SYNE1: variants seen among roughly 807,000 people sequenced by gnomAD.
SYNE1 encodes nesprin-1.
A neutral mutation model predicts 1,111.0 loss-of-function variants in SYNE1; 616 were observed. The observed-to-expected ratio is 0.55, with a 90% CI of 0.52 to 0.59. The LOEUF is 0.59. Ranked by LOEUF, SYNE1 falls within the 20% of genes least tolerant of loss-of-function variation. SYNE1 has a pLI of 0.00. For missense variants in SYNE1, 10,006 were observed against 10,417.0 expected (o/e 0.96, Z 1.72); for synonymous variants, 3,855 against 3,825.8 (o/e 1.01, Z -0.28).
At chr6:152,317,525 C>A (rs564647294) in intron 86 of SYNE1, among the ~76,000 whole-genome samples, 2 of 152,122 alleles carry the variant, frequency 1.3e-5, no homozygotes, top group Non-Finnish European at 2.9e-5. Context: ...CTTCCTCTAT[C>A]CCTTCCTTCA....
intron 59 of SYNE1, among the ~76,000 whole-genome samples, chr6:152,371,890 AAGGAAAGGAAAGGAAAGGAAAGGAAAGG>A (rs2097192154): frequency 1.3e-4 from 14 of 105,798 alleles, no homozygotes; most frequent in Non-Finnish European, 2.8e-4. Context: ...AAGGAAAGGA[AAGGAAAGGAAAGGAAAGGAAAGGAAAGG>A]AAAGGACAGG....
At chr6:152,616,596 A>G (rs947172415) in intron 3 of SYNE1, among the ~76,000 whole-genome samples, 4 of 152,136 alleles carry the variant, frequency 2.6e-5, no homozygotes, top group Non-Finnish European at 5.9e-5. Flanking sequence ...AACAACAACA[A>G]CAAAGCTAGT....
intron 100 of SYNE1, among the ~76,000 whole-genome samples, chr6:152,265,600 C>T (rs2092619586): frequency 6.6e-6 from 1 of 152,032 alleles, no homozygotes; most frequent in South Asian, 2.1e-4. Flanking sequence ...TGTAATAAAA[C>T]CAGAGGAATA....
chr6:152,321,789 C>T lies in SYNE1; in HGVS notation c.16015G>A (p.Val5339Ile), dbSNP rs1459705949. The T allele has an allele frequency of 1.2e-6, 2 of 1,613,848 alleles. No individual in the cohort carries two copies. The highest frequency in any genetic ancestry group is 1.7e-5 in the Admixed American group (1 of 59,988). ...ETQINSVKCW[V>I]QETKEYLGNP... ...CCTAAATATTCTTTCGTTTCCTGAA[C>T]CCAACATTTCACAGAATTGATCTGA... is the stretch of plus-strand genomic sequence containing the variant. Residue 5339 changes from valine (V) to isoleucine (I), a missense_variant, in exon 83 of 146, where the codon GTT (valine) becomes ATT (isoleucine). Physicochemically the swap from Val to Ile is conservative, Grantham distance 29. Coordinates refer to ENST00000367255, the MANE Select transcript of SYNE1 (RefSeq NM_182961.4).
At chr6:152,482,157 G>A (rs185083395) in intron 14 of SYNE1, among the ~76,000 whole-genome samples, 8 of 152,264 alleles carry the variant, frequency 5.3e-5, no homozygotes, top group Non-Finnish European at 1.0e-4. Flanking sequence ...AGTCTGTCAA[G>A]TTGAAATGGC....
rs2095117965 is a variant in SYNE1, at chr6:152,300,627, C to T, written c.17682+14G>A. The T allele has an allele frequency of 6.2e-7, 1 of 1,613,978 alleles. No individual in the cohort carries two copies. The highest frequency in any genetic ancestry group is 1.3e-5 in the African/African-American group (1 of 74,912). On this transcript the variant is annotated intron_variant, in intron 93 of 145. Transcript: ENST00000367255. ...CCAGAGATTATTGCTAGAGGAATGCCAACTGGGAGGTACCTGGTTAACAGA... is the reference window on the plus strand; with the variant it reads ...CCAGAGATTATTGCTAGAGGAATGCTAACTGGGAGGTACCTGGTTAACAGA...
Position 152,136,744 on chromosome 6 carries a change from C to A in SYNE1, c.25533G>T (p.Gln8511His), listed in dbSNP as rs1273886333. The change falls in exon 141 of 146, where the codon CAG becomes CAT. Residue 8511 changes from glutamine to histidine, a missense_variant. By Grantham distance (24) the Gln-to-His change is conservative. Around this residue, in one of 7 missense-constraint regions of SYNE1, gnomAD observed 761 missense variants for 795.5 expected, o/e 0.96. Transcript: ENST00000367255. Reference sequence around the variant, plus strand: ...GGTCCCGGCTCTCCTTGCTGTCAGCCTGGGTGAACTCAGGGCTGCAGAGAT... The same window carrying A: ...GGTCCCGGCTCTCCTTGCTGTCAGCATGGGTGAACTCAGGGCTGCAGAGAT... The part of the protein sequence containing the change: ...SINLCSPEFT[Q>H]ADSKESRDLQ... 14 of 1,614,102 alleles carry A rather than the reference C, an allele frequency of 8.7e-6. No homozygotes were observed. The highest frequency in any genetic ancestry group is 1.2e-5 in the Non-Finnish European group (14 of 1,180,056).
At chr6:152,249,691 T>TC (rs949703839) in intron 104 of SYNE1, among the ~76,000 whole-genome samples, 11 of 152,194 alleles carry the variant, frequency 7.2e-5, no homozygotes, top group African/African-American at 2.7e-4. Flanking sequence ...TCTCTCCTCT[T>TC]CTTCCCTCCC....
chr6:152,256,575 A>C, intron 102 of SYNE1, 59 bp downstream of exon 102: 1 of 1,608,584 alleles, frequency 6.2e-7, no homozygotes. Flanking sequence ...AGGCAAATCA[A>C]TACAAGCAAA....
At chr6:152,460,379 A>C (rs2098724251) in intron 21 of SYNE1, among the ~76,000 whole-genome samples, 1 of 152,236 alleles carries the variant, frequency 6.6e-6, no homozygotes, top group Admixed American at 6.5e-5. Context: ...CCATATTGAT[A>C]GATAAAATTT....
At chr6:152,300,411 A>G (rs1199469173) in intron 93 of SYNE1, among the ~76,000 whole-genome samples, 2 of 152,204 alleles carry the variant, frequency 1.3e-5, no homozygotes, top group Non-Finnish European at 2.9e-5. Context: ...CTGGGCTATC[A>G]TTCCCATGAC....
intron 58 of SYNE1, chr6:152,375,948 C>T (rs552162738): frequency 6.1e-4 from 101 of 166,398 alleles, no homozygotes; most frequent in African/African-American, 2.4e-3. Context: ...TTTATATGTT[C>T]TGCCCTTCTG....
chr6:152,302,089 G>A (rs774912673), intron 91 of SYNE1, 26 bp from the exon 92 acceptor site: 219 of 1,613,936 alleles, frequency 1.4e-4, no homozygotes, highest in Admixed American at 3.2e-4. Flanking sequence ...CCCCACCGGG[G>A]TGTCAGAGCA....
chr6:152,535,909 C>T lies in SYNE1; in HGVS notation c.129+4051G>A, dbSNP rs770236363. 4.8e-4 allele frequency among the ~76,000 whole-genome samples: 73 copies of T among 152,010 alleles called. 1 individual carries two copies. Among genetic ancestry groups the T allele is most frequent in the Non-Finnish European group, 5.7e-4 (39 of 67,988 alleles). On this transcript the variant is annotated intron_variant, in intron 4 of 145. Transcript: ENST00000367255. ...ACTGTCAAATTTTAAATATATTCAT[C>T]GTAACATAACTTCTTTGCCTAAAAT...
At chr6:152,205,438 C>A (rs555051970) in intron 126 of SYNE1, among the ~76,000 whole-genome samples, 17 of 152,272 alleles carry the variant, frequency 1.1e-4, no homozygotes, top group Admixed American at 1.1e-3. Context: ...AAATTATATA[C>A]CCACTCTACC....
chr6:152,405,890 T>G (rs1029448858), intron 45 of SYNE1, among the ~76,000 whole-genome samples: 1 of 152,180 alleles, frequency 6.6e-6, no homozygotes, highest in Non-Finnish European at 1.5e-5. Context: ...AATTCATTCA[T>G]GTATATTTTT....
At chr6:152,231,267 G>T in intron 114 of SYNE1, 124 bp downstream of exon 114, 2 of 958,570 alleles carry the variant, frequency 2.1e-6, no homozygotes, top group Admixed American at 1.8e-5. Flanking sequence ...ACCTTCAGCG[G>T]TATTATTGGA....
chr6:152,506,629 C>G (rs894612548), intron 8 of SYNE1, among the ~76,000 whole-genome samples: 5 of 151,984 alleles, frequency 3.3e-5, no homozygotes, highest in African/African-American at 1.2e-4. Context: ...GCAACCTCCA[C>G]CCCCCAGGCT....
At chr6:152,447,736 A>G in intron 28 of SYNE1, 114 bp from the exon 29 acceptor site, 2 of 1,235,294 alleles carry the variant, frequency 1.6e-6, no homozygotes, top group Non-Finnish European at 2.4e-6. Context: ...AGAGCCAGAC[A>G]TCATTCAGCA....
Sources: gnomAD v4.1 joint callset for allele counts (sites outside exome capture counted in the v4.1 genomes callset) on GRCh38, gnomAD v4.1.1 for gene constraint, gnomAD v4.1.1 regional missense constraint, MANE v1.5 for transcripts, NCBI Gene and HGNC (gene_info 2026-07-23, HGNC 2026-07-21) for gene names.